The following CNTN4 variants were observed in gnomAD, a reference collection of about 807,000 sequenced individuals.
CNTN4 encodes the protein contactin 4.
CNTN4 carries 77 observed loss-of-function variants against 122.5 expected under a neutral mutation model. That is an observed-to-expected ratio of 0.63 (90% CI 0.52 to 0.76). The LOEUF (loss-of-function observed/expected upper bound fraction) is 0.76, where lower values mean the gene tolerates loss of function less well. Ranked by LOEUF, CNTN4 falls within the 30% of genes least tolerant of loss-of-function variation. The pLI is 0.00. For synonymous variants in CNTN4, 512 were observed against 447.0 expected, an observed-to-expected ratio of 1.15 and a Z score of -1.83; for missense variants, 1,256 against 1,259.1, an observed-to-expected ratio of 1.00 and a Z score of 0.04.
intron 2 of CNTN4, among the ~76,000 whole-genome samples, chr3:2,188,968 C>T (rs1389865171): frequency 6.6e-6 from 1 of 152,158 alleles, no homozygotes; most frequent in African/African-American, 2.4e-5. Flanking sequence ...ATGCTATGTA[C>T]ACTGCAGCTG....
At chr3:2,853,416 T>C (rs1206904522) in intron 7 of CNTN4, among the ~76,000 whole-genome samples, 1 of 152,134 alleles carries the variant, frequency 6.6e-6, no homozygotes, top group East Asian at 1.9e-4. Context: ...AGCTCATTTT[T>C]GAATTTTTAG....
chr3:2,439,265 C>T (rs1354857516), intron 3 of CNTN4, among the ~76,000 whole-genome samples: 2 of 152,184 alleles, frequency 1.3e-5, no homozygotes, highest in Non-Finnish European at 2.9e-5. Context: ...CTAGGCCTCA[C>T]CCCAGACCTA....
chr3:2,466,225 A>G (rs1026814178), intron 3 of CNTN4, among the ~76,000 whole-genome samples: 2 of 152,246 alleles, frequency 1.3e-5, no homozygotes, highest in African/African-American at 4.8e-5. Flanking sequence ...GAATTTTAAG[A>G]GAATTTCACT....
intron 13 of CNTN4, among the ~76,000 whole-genome samples, chr3:2,965,002 T>G (rs1577426886): frequency 6.6e-6 from 1 of 152,202 alleles, no homozygotes; most frequent in African/African-American, 2.4e-5. Flanking sequence ...TACCAGGTTT[T>G]CTGATGTGTA....
In CNTN4 at chr3:2,229,650, A is replaced by G. The variant is rs73807061; in HGVS notation, c.-144-109528A>G. ...TGTCTTAAAGTATCTTCATGTTTATATAGTAAATAAATAAGAGTAAGTATT... is the reference window on the plus strand; with the variant it reads ...TGTCTTAAAGTATCTTCATGTTTATGTAGTAAATAAATAAGAGTAAGTATT... On this transcript the variant is annotated intron_variant, in intron 2 of 24. Coordinates refer to ENST00000418658, the MANE Select transcript of CNTN4 (RefSeq NM_175607.3). 4.4e-3 allele frequency among the ~76,000 whole-genome samples: 656 copies of G among 147,846 alleles called. 3 individuals are homozygous for G. The highest frequency in any genetic ancestry group is 0.015 in the African/African-American group (628 of 41,354).
At chr3:2,417,733 A>G (rs1447294400) in intron 3 of CNTN4, among the ~76,000 whole-genome samples, 4 of 152,224 alleles carry the variant, frequency 2.6e-5, no homozygotes, top group Admixed American at 6.5e-5. Flanking sequence ...AGCAACCAAG[A>G]TGTCCTTCAG....
chr3:2,105,179 G>T (rs913999009), intron 2 of CNTN4, among the ~76,000 whole-genome samples: 1 of 152,062 alleles, frequency 6.6e-6, no homozygotes, highest in African/African-American at 2.4e-5. Context: ...GGAGCATGTG[G>T]GCCTGCCACT....
At chr3:2,736,612 C>T (rs975360896) in intron 5 of CNTN4, among the ~76,000 whole-genome samples, 3 of 147,552 alleles carry the variant, frequency 2.0e-5, no homozygotes, top group South Asian at 2.2e-4. Context: ...TACAGGCATG[C>T]ACCACCACGC....
At chr3:2,567,660 G>A (rs951061076) in intron 3 of CNTN4, among the ~76,000 whole-genome samples, 1 of 152,156 alleles carries the variant, frequency 6.6e-6, no homozygotes, top group Non-Finnish European at 1.5e-5. Context: ...GGAAGTCTAG[G>A]AATAGAGCAC....
chr3:2,429,026 C>G (rs894192665), intron 3 of CNTN4, among the ~76,000 whole-genome samples: 8 of 152,268 alleles, frequency 5.3e-5, no homozygotes, highest in Non-Finnish European at 7.4e-5. Context: ...GGACATCCTT[C>G]TTTTGCTCAG....
intron 6 of CNTN4, among the ~76,000 whole-genome samples, chr3:2,766,886 T>G (rs1395014740): frequency 2.0e-5 from 3 of 152,128 alleles, no homozygotes; most frequent in Non-Finnish European, 4.4e-5. Flanking sequence ...CAACCTAAAC[T>G]GGAAGTTGTG....
At chr3:3,032,570 G>C (rs115514888) in intron 16 of CNTN4, among the ~76,000 whole-genome samples, 284 of 152,300 alleles carry the variant, frequency 1.9e-3, no homozygotes, top group African/African-American at 6.5e-3. Context: ...TACAGAGGGG[G>C]AGGCAGGAAT....
In CNTN4 at chr3:2,382,307, T is replaced by C. The variant is rs151220710; in HGVS notation, c.-89+43074T>C. ...GCCTCAGCCTCCCGAGTAGCTGGGA[T>C]TACAGGCGCGCTGTAATTTTTGTAC... On this transcript the variant is annotated intron_variant, in intron 3 of 24. Coordinates refer to ENST00000418658, the MANE Select transcript of CNTN4 (RefSeq NM_175607.3). 2.2e-3 allele frequency among the ~76,000 whole-genome samples: 333 copies of C among 151,820 alleles called. 4 individuals carry two copies. The East Asian group carries it at 0.024, about 11-fold the overall frequency.
chr3:2,214,185 A>C (rs1203991570), intron 2 of CNTN4, among the ~76,000 whole-genome samples: 3 of 152,144 alleles, frequency 2.0e-5, no homozygotes, highest in Non-Finnish European at 4.4e-5. Flanking sequence ...ATGTGGTGAA[A>C]GTACTTCCTC....
Position 2,988,430 on chromosome 3 carries a change from C to A in CNTN4, c.1444C>A (p.His482Asn). 6.2e-7 allele frequency: 1 copy of A among 1,613,728 alleles called. No homozygotes were observed. The highest frequency in any genetic ancestry group is 8.5e-7 in the Non-Finnish European group (1 of 1,179,766). The change falls in exon 14 of 25, where the codon CAT becomes AAT. Residue 482 changes from histidine to asparagine, a missense_variant. Transcript: ENST00000418658. ...GAGTTATACCTGTATAGCCACTAAC[C>A]ATTTTGGAACTGCTAGCAGTACTGG... is the stretch of plus-strand genomic sequence containing the variant. ...AGSYTCIATN[H>N]FGTASSTGNL...
At chr3:2,247,056 A>G (rs933103572) in intron 2 of CNTN4, among the ~76,000 whole-genome samples, 3 of 152,050 alleles carry the variant, frequency 2.0e-5, no homozygotes, top group Non-Finnish European at 4.4e-5. Flanking sequence ...CCATGCACAA[A>G]GCACATATGC....
At chr3:2,616,631 C>T (rs28889917) in intron 4 of CNTN4, among the ~76,000 whole-genome samples, 1 of 151,998 alleles carries the variant, frequency 6.6e-6, no homozygotes, top group Non-Finnish European at 1.5e-5. Flanking sequence ...CATAGTGTCA[C>T]CAGCGTCTAT....
intron 4 of CNTN4, among the ~76,000 whole-genome samples, chr3:2,591,317 G>A (rs1463472152): frequency 6.8e-6 from 1 of 146,466 alleles, no homozygotes; most frequent in Admixed American, 6.9e-5. Flanking sequence ...TACTTTTGAT[G>A]TAGTCTGCCC....
chr3:2,490,552 A>C (rs896100568), intron 3 of CNTN4, among the ~76,000 whole-genome samples: 24 of 152,234 alleles, frequency 1.6e-4, no homozygotes, highest in African/African-American at 5.5e-4. Context: ...GGTATGGTGG[A>C]AATGCCTATT....
Sources: gnomAD v4.1 joint callset for allele counts (sites outside exome capture counted in the v4.1 genomes callset) on GRCh38, gnomAD v4.1.1 for gene constraint, MANE v1.5 for transcripts, NCBI Gene and HGNC (gene_info 2026-07-23, HGNC 2026-07-21) for gene names.